The following KMO variants were observed in gnomAD, a reference collection of about 807,000 sequenced individuals.
KMO encodes kynurenine 3-monooxygenase, also known as kynurenine 3-hydroxylase.
KMO carries 24 observed loss-of-function variants against 57.8 expected under a neutral mutation model. The ratio of observed to expected loss-of-function variants is 0.42; its 90% CI spans 0.30 to 0.58. KMO has a LOEUF of 0.58. Ranked by LOEUF, KMO falls within the 20% of genes least tolerant of loss-of-function variation. The probability of loss-of-function intolerance (pLI) is 0.22; values close to 1 mark genes in which losing one functional copy is unlikely to be tolerated. For missense variants in KMO, 483 were observed against 588.2 expected (o/e 0.82, Z 1.85); for synonymous variants, 210 against 193.6 (o/e 1.08, Z -0.70).
In KMO at chr1:241,595,212, C is replaced by T. The variant is rs141402928; in HGVS notation, c.*3059C>T. 326 of 152,744 alleles carry T rather than the reference C, an allele frequency of 2.1e-3. No homozygotes were observed. The highest frequency in any genetic ancestry group is 3.8e-3 in the Non-Finnish European group (260 of 68,430). 9.5% of individuals were successfully genotyped at this position (152,744 alleles called of 1,614,324 possible). Reference sequence around the variant, plus strand: ...GGGAAAAAAATACTATAGCAGACAGCACTAATGTCATCAACAAACATTGTT... The same window carrying T: ...GGGAAAAAAATACTATAGCAGACAGTACTAATGTCATCAACAAACATTGTT... On this transcript the variant is annotated 3_prime_UTR_variant, in exon 15 of 15. Transcript: ENST00000366559.
intron 4 of KMO, among the ~76,000 whole-genome samples, chr1:241,552,990 A>T (rs1215584323): frequency 1.3e-5 from 2 of 152,250 alleles, no homozygotes; most frequent in African/African-American, 4.8e-5. Flanking sequence ...GCTCCCCCTT[A>T]GTAGAAAACA....
chr1:241,590,730 T>C (rs1191458601), intron 14 of KMO, among the ~76,000 whole-genome samples: 1 of 150,514 alleles, frequency 6.6e-6, no homozygotes, highest in Admixed American at 6.7e-5. Context: ...TTTTACAACG[T>C]CATTTATTCA....
intron 4 of KMO, among the ~76,000 whole-genome samples, chr1:241,555,339 A>G (rs549520263): frequency 1.3e-4 from 20 of 152,336 alleles, no homozygotes; most frequent in Middle Eastern, 6.8e-3. Context: ...CTCTTGATGA[A>G]AATTATATTT....
chr1:241,571,736 G>A (rs1662286223), intron 10 of KMO, among the ~76,000 whole-genome samples: 1 of 151,864 alleles, frequency 6.6e-6, no homozygotes, highest in African/African-American at 2.4e-5. Context: ...ATATTGGCAT[G>A]CAGTTTCCTT....
intron 14 of KMO, among the ~76,000 whole-genome samples, chr1:241,590,873 C>A (rs1468504271): frequency 6.6e-6 from 1 of 152,058 alleles, no homozygotes; most frequent in Non-Finnish European, 1.5e-5. Flanking sequence ...ATAAACTGCC[C>A]CCGAGGAGAA....
At position 241,551,654 on chromosome 1, in the gene KMO, G is replaced by A. The variant is rs1661396279; in HGVS notation, c.312+610G>A. Reference sequence around the variant, plus strand: ...TGTATTTTATCTAATTAGACCTTCTGATTCTGTTTCTTGAGAGAGAATGAA... The same window carrying A: ...TGTATTTTATCTAATTAGACCTTCTAATTCTGTTTCTTGAGAGAGAATGAA... On this transcript the variant is annotated intron_variant, in intron 4 of 14. Coordinates refer to ENST00000366559, the MANE Select transcript of KMO (RefSeq NM_003679.5). 2.6e-5 allele frequency among the ~76,000 whole-genome samples: 4 copies of A among 152,188 alleles called. No individual in the cohort carries two copies. The South Asian group carries it at 8.3e-4, about 32-fold the overall frequency.
intron 4 of KMO, among the ~76,000 whole-genome samples, chr1:241,552,584 C>A (rs1661449123): frequency 6.6e-6 from 1 of 152,156 alleles, no homozygotes; most frequent in Non-Finnish European, 1.5e-5. Context: ...CTGGTATTGG[C>A]CGTGTACCAT....
At chr1:241,564,562 AAT>A (rs1001233210) in intron 7 of KMO, among the ~76,000 whole-genome samples, 2 of 151,744 alleles carry the variant, frequency 1.3e-5, no homozygotes, top group Non-Finnish European at 1.5e-5. Context: ...TAAAGTAAAA[AAT>A]ATATATATAA....
intron 1 of KMO, among the ~76,000 whole-genome samples, chr1:241,534,519 T>C (rs6429278): frequency 0.081 from 12,402 of 152,318 alleles, 892 homozygotes; most frequent in African/African-American, 0.19. Context: ...CATCCTATTG[T>C]TCAAGTCCAT....
chr1:241,566,135 G>C (rs890394533), intron 8 of KMO, among the ~76,000 whole-genome samples: 4 of 152,212 alleles, frequency 2.6e-5, no homozygotes, highest in Non-Finnish European at 4.4e-5. Context: ...GAACCTGGGA[G>C]GCAGAGGTTG....
At position 241,562,384 on chromosome 1, in the gene KMO, G is replaced by A. The variant is rs142162009; in HGVS notation, c.615+52G>A. 6.5e-4 allele frequency: 1,008 copies of A among 1,561,852 alleles called. 7 individuals are homozygous for A. The African/African-American group carries it at 0.012, about 18-fold the overall frequency. ...TTCCCACAACCCTTGCTCCATGAGC[G>A]CGAATGCGTATTCTAGTGCAGTGGT... On this transcript the variant is annotated intron_variant, in intron 7 of 14. Coordinates refer to ENST00000366559, the MANE Select transcript of KMO (RefSeq NM_003679.5).
chr1:241,535,979 G>A (rs1415710082), intron 1 of KMO, among the ~76,000 whole-genome samples: 1 of 152,060 alleles, frequency 6.6e-6, no homozygotes, highest in Non-Finnish European at 1.5e-5. Flanking sequence ...TTTATCTTTG[G>A]CTCCTGCTAC....
rs562257617 is a variant in KMO, at chr1:241,592,980, G to T, written c.*827G>T. 3.2e-4 allele frequency: 51 copies of T among 160,300 alleles called. No homozygotes were observed. The South Asian group carries it at 7.8e-3, about 24-fold the overall frequency. 9.9% of individuals were successfully genotyped at this position (160,300 alleles called of 1,614,324 possible). A position where few individuals can be genotyped will look rare whatever the true frequency, so the allele number is the denominator to read the frequency against. On this transcript the variant is annotated 3_prime_UTR_variant, in exon 15 of 15. Transcript: ENST00000366559. ...AGTAGAGACCGGGTCTTGCCATGCT[G>T]CCCAGGCCAGTCTCAAACTCCTGGC...
At chr1:241,543,579 C>A (rs556095184) in intron 1 of KMO, among the ~76,000 whole-genome samples, 1 of 152,156 alleles carries the variant, frequency 6.6e-6, no homozygotes, top group Non-Finnish European at 1.5e-5. Context: ...CTACACTGAA[C>A]AACCTGGCAC....
intron 11 of KMO, 93 bp downstream of exon 11, chr1:241,586,829 TG>T: frequency 3.6e-6 from 3 of 842,530 alleles, no homozygotes; most frequent in Non-Finnish European, 5.8e-6. Context: ...AAACCTGTGA[TG>T]TATAATGTAT....
At chr1:241,576,853 C>T (rs1296558982) in intron 10 of KMO, among the ~76,000 whole-genome samples, 1 of 152,090 alleles carries the variant, frequency 6.6e-6, no homozygotes, top group Non-Finnish European at 1.5e-5. Flanking sequence ...ACTTTCTTTT[C>T]TCCCTCAGGA....
At chr1:241,559,982 T>C (rs1193545272) in intron 5 of KMO, among the ~76,000 whole-genome samples, 1 of 152,218 alleles carries the variant, frequency 6.6e-6, no homozygotes, top group Non-Finnish European at 1.5e-5. Flanking sequence ...GCTATATTTA[T>C]AGATGAATAC....
chr1:241,594,292 G>C lies in KMO; in HGVS notation c.*2139G>C. 1.1e-6 allele frequency: 1 copy of C among 945,600 alleles called. No individual in the cohort carries two copies. Among genetic ancestry groups the C allele is most frequent in the Non-Finnish European group, 1.6e-6 (1 of 632,298 alleles). 58.6% of individuals were successfully genotyped at this position (945,600 alleles called of 1,614,324 possible). The stretch of plus-strand genomic sequence containing the variant: ...TCTTCCTGAGGCCCAAGAGCATATG[G>C]GCAATTCGGATTTCCTGCTGGACCA... On this transcript the variant is annotated 3_prime_UTR_variant, in exon 15 of 15. Transcript: ENST00000366559.
rs1299398859 is a variant in KMO, at chr1:241,566,482, T to C, written c.688-9T>C. The stretch of plus-strand genomic sequence containing the variant: ...ATCCCCTTTCACTCTGTTTCTCTTC[T>C]TCTCACAGAACAAATCATTCACATG... On this transcript the variant is annotated splice_polypyrimidine_tract_variant and intron_variant, in intron 8 of 14. Coordinates refer to ENST00000366559, the MANE Select transcript of KMO (RefSeq NM_003679.5). 6.2e-7 allele frequency: 1 copy of C among 1,608,610 alleles called. No homozygotes were observed.
Sources: gnomAD v4.1 joint callset for allele counts (sites outside exome capture counted in the v4.1 genomes callset) on GRCh38, gnomAD v4.1.1 for gene constraint, MANE v1.5 for transcripts, NCBI Gene and HGNC (gene_info 2026-07-23, HGNC 2026-07-21) for gene names.